The following CSF2RA variants were observed in gnomAD, a reference collection of about 807,000 sequenced individuals.
The protein encoded by CSF2RA is granulocyte-macrophage colony-stimulating factor receptor subunit alpha.
In CSF2RA, 42 loss-of-function variants were observed where a neutral mutation model predicts 51.6. The observed-to-expected ratio is 0.81, with a 90% CI of 0.64 to 1.05. The LOEUF (loss-of-function observed/expected upper bound fraction) is 1.05. Ranked by LOEUF, CSF2RA falls within the 50% of genes least tolerant of loss-of-function variation. The pLI is 0.00. For missense variants in CSF2RA, 530 were observed against 501.1 expected (o/e 1.06, Z -0.55); for synonymous variants, 222 against 193.0 (o/e 1.15, Z -1.24).
chrX:1,311,941 C>T (rs2084210111), downstream of CSF2RA, among the ~76,000 whole-genome samples: 1 of 152,006 alleles, frequency 6.6e-6, no homozygotes, highest in African/African-American at 2.4e-5. Context: ...CTCCTGCCTC[C>T]CTCTCATAAG....
intron 2 of CSF2RA, among the ~76,000 whole-genome samples, chrX:1,280,963 T>C (rs2089904621): frequency 2.0e-5 from 2 of 100,434 alleles, no homozygotes; most frequent in Non-Finnish European, 4.4e-5. Context: ...CTCCTCCTCC[T>C]TCTCCTCCTC....
At chrX:1,307,863 CT>C (rs1862159640) in intron 12 of CSF2RA, among the ~76,000 whole-genome samples, 1 of 137,172 alleles carries the variant, frequency 7.3e-6, no homozygotes, top group Admixed American at 7.3e-5. Flanking sequence ...TAGATGAGGC[CT>C]ACCCTTCTCC....
chrX:1,301,678 G>C (rs1170057483), intron 10 of CSF2RA, among the ~76,000 whole-genome samples: 2 of 142,464 alleles, frequency 1.4e-5, no homozygotes, highest in Non-Finnish European at 1.5e-5. Flanking sequence ...CTCACTGCAA[G>C]CTCCACCTCC....
At chrX:1,323,523 C>T in the CSF2RA span, among the ~76,000 whole-genome samples, 1 of 152,106 alleles carries the variant, frequency 6.6e-6, no homozygotes, top group African/African-American at 2.4e-5. Flanking sequence ...CAAGGACCTC[C>T]CAGCAGCTCT....
chrX:1,274,748 T>C lies in CSF2RA; in HGVS notation c.-90-7T>C, dbSNP rs1420101061. 2.2e-6 allele frequency: 1 copy of C among 453,344 alleles called. No individual in the cohort carries two copies. The highest frequency in any genetic ancestry group is 7.0e-5 in the East Asian group (1 of 14,226). The allele number at this position is 453,344 out of a possible 1,614,324, so 28.1% of individuals were successfully genotyped here. On this transcript the variant is annotated splice_region_variant and splice_polypyrimidine_tract_variant and intron_variant, in intron 1 of 12. Transcript: ENST00000381529. ...TTGGGGTCCTGAGACTTATTTACCTTTCACAGTTTACAGCAGGAAAATCCG... is the reference window on the plus strand; with the variant it reads ...TTGGGGTCCTGAGACTTATTTACCTCTCACAGTTTACAGCAGGAAAATCCG...
intron 9 of CSF2RA, among the ~76,000 whole-genome samples, chrX:1,296,067 A>C (rs1282586782): frequency 6.8e-6 from 1 of 147,972 alleles, no homozygotes; most frequent in Admixed American, 6.7e-5. Context: ...ACAGTCCCCT[A>C]CCCATGAGCC....
rs781137976 is a variant in CSF2RA, at chrX:1,282,795, T to C, written c.76+16T>C. 5.6e-6 allele frequency: 9 copies of C among 1,607,420 alleles called. No homozygotes were observed. Among genetic ancestry groups the C allele is most frequent in the South Asian group, 3.3e-5 (3 of 90,936 alleles). On this transcript the variant is annotated intron_variant, in intron 3 of 12. Coordinates refer to ENST00000381529, the MANE Select transcript of CSF2RA (RefSeq NM_172245.4). ...GAGAAATCGGGTAAGTATGGAAACCTGGCTGAACCTTCTCCGCGGCCCCTG... is the reference window on the plus strand; with the variant it reads ...GAGAAATCGGGTAAGTATGGAAACCCGGCTGAACCTTCTCCGCGGCCCCTG...
chrX:1,324,185 TAAAAAC>T, the CSF2RA span, among the ~76,000 whole-genome samples: 2 of 149,646 alleles, frequency 1.3e-5, no homozygotes, highest in African/African-American at 2.5e-5. Context: ...ACTCTGCCTT[TAAAAAC>T]AAAAACAAAA....
At chrX:1,296,126 C>T (rs1220962372) in intron 9 of CSF2RA, among the ~76,000 whole-genome samples, 1 of 151,524 alleles carries the variant, frequency 6.6e-6, no homozygotes, top group Non-Finnish European at 1.5e-5. Flanking sequence ...CATAAACCTA[C>T]AGTCCCCTAC....
chrX:1,274,877 A>T (rs1482137120), intron 2 of CSF2RA, 59 bp downstream of exon 2: 3 of 453,146 alleles, frequency 6.6e-6, no homozygotes, highest in Non-Finnish European at 1.3e-5. Flanking sequence ...TTTTTAAGTG[A>T]AGTCTAAAGA....
chrX:1,303,378 G>T, intron 10 of CSF2RA: 2 of 435,314 alleles, frequency 4.6e-6, no homozygotes, highest in Non-Finnish European at 8.1e-6. Flanking sequence ...TAGGATTACA[G>T]GCACCCACCA....
At chrX:1,309,308 C>G (rs1484012608) in intron 12 of CSF2RA, 94 bp from the exon 13 acceptor site, 3 of 1,303,506 alleles carry the variant, frequency 2.3e-6, no homozygotes, top group African/African-American at 2.9e-5. Flanking sequence ...GAATGAGACT[C>G]CGTCTCGAGG....
chrX:1,285,414 C>T (rs1433625860), intron 3 of CSF2RA, among the ~76,000 whole-genome samples: 4 of 151,972 alleles, frequency 2.6e-5, no homozygotes, highest in African/African-American at 9.7e-5. Context: ...ACAGGGCCGG[C>T]CGGGCACGGT....
intron 2 of CSF2RA, among the ~76,000 whole-genome samples, chrX:1,280,477 A>C (rs1421890253): frequency 1.4e-5 from 2 of 144,100 alleles, no homozygotes; most frequent in East Asian, 4.5e-4. Flanking sequence ...GTCTCAAAAA[A>C]AAAAAAAAAA....
intron 9 of CSF2RA, 62 bp from the exon 10 acceptor site, chrX:1,300,429 A>T (rs2092292733): frequency 6.3e-7 from 1 of 1,587,098 alleles, no homozygotes; most frequent in Non-Finnish European, 8.5e-7. Flanking sequence ...AAGAACGAAA[A>T]AAGGCAACCT....
At chrX:1,307,005 A>G (rs2148684905) in intron 12 of CSF2RA, among the ~76,000 whole-genome samples, 1 of 151,638 alleles carries the variant, frequency 6.6e-6, no homozygotes, top group South Asian at 2.1e-4. Context: ...GAGGAGTCGG[A>G]CTTAGTCTCA....
chrX:1,305,615 G>C (rs775335312), intron 12 of CSF2RA, 88 bp downstream of exon 12: 1 of 1,613,830 alleles, frequency 6.2e-7, no homozygotes, highest in African/African-American at 1.3e-5. Context: ...CGACCATCTT[G>C]CTTCTCCACC....
chrX:1,303,277 C>T, intron 10 of CSF2RA: 1 of 423,032 alleles, frequency 2.4e-6, no homozygotes, highest in South Asian at 7.0e-5. Flanking sequence ...ACTCTGTCAC[C>T]CAGGCTGGAG....
downstream of CSF2RA, among the ~76,000 whole-genome samples, chrX:1,311,088 A>G (rs755419908): frequency 1.0e-3 from 156 of 151,926 alleles, 1 homozygote; most frequent in African/African-American, 3.5e-3. Context: ...CTTCTACTAA[A>G]AATACAAAAA....
Sources: gnomAD v4.1 joint callset for allele counts (sites outside exome capture counted in the v4.1 genomes callset) on GRCh38, gnomAD v4.1.1 for gene constraint, MANE v1.5 for transcripts, NCBI Gene and HGNC (gene_info 2026-07-23, HGNC 2026-07-21) for gene names.